The following ADGRF1 variants were observed in gnomAD, a reference collection of about 807,000 sequenced individuals.
ADGRF1 encodes the protein G protein-coupled receptor 110.
In ADGRF1, 85 loss-of-function variants were observed where a neutral mutation model predicts 87.2. That is an observed-to-expected ratio of 0.97 (90% CI 0.82 to 1.17). ADGRF1 has a LOEUF of 1.17. Among genes scored for constraint, ADGRF1 ranks in the 50% most tolerant of loss-of-function variants. The pLI is 0.00. For missense variants in ADGRF1, 1,169 were observed against 1,077.2 expected, an observed-to-expected ratio of 1.09 and a Z score of -1.19; for synonymous variants, 430 against 408.8, an observed-to-expected ratio of 1.05 and a Z score of -0.63.
At position 46,998,018 on chromosome 6, in the gene ADGRF1, A is replaced by G. The variant is rs921312897; in HGVS notation, c.*2204T>C. Reference sequence around the variant, plus strand: ...GTACTAAATTTTTCTTCCCTCTCCAACTGAGTCTTGTGTTGAGTTGCCTAC... The same window carrying G: ...GTACTAAATTTTTCTTCCCTCTCCAGCTGAGTCTTGTGTTGAGTTGCCTAC... On this transcript the variant is annotated 3_prime_UTR_variant, in exon 15 of 15. Transcript: ENST00000371253. 6.6e-6 allele frequency: 1 copy of G among 152,090 alleles called. No individual in the cohort carries two copies. The highest frequency in any genetic ancestry group is 1.5e-5 in the Non-Finnish European group (1 of 68,016). The allele number at this position is 152,090 out of a possible 1,614,324, so 9.4% of individuals were successfully genotyped here. A position where few individuals can be genotyped will look rare whatever the true frequency, so the allele number is the denominator to read the frequency against.
At position 47,018,477 on chromosome 6, in the gene ADGRF1, T is replaced by C. The variant is rs893821270; in HGVS notation, c.612-1709A>G. ...CCCTTTTGCTTAATGATGGTCACAATACCTTTGTATTGATATGTCCATTCT... is the reference window on the plus strand; with the variant it reads ...CCCTTTTGCTTAATGATGGTCACAACACCTTTGTATTGATATGTCCATTCT... On this transcript the variant is annotated intron_variant, in intron 7 of 14. Transcript: ENST00000371253. 2.3e-6 allele frequency: 3 copies of C among 1,289,664 alleles called. No homozygotes were observed. In the African/African-American group the frequency reaches 4.6e-5, roughly 20 times the overall value. The allele number at this position is 1,289,664 out of a possible 1,614,324, so 79.9% of individuals were successfully genotyped here.
At position 47,007,638 on chromosome 6, in the gene ADGRF1, T is replaced by C. The variant is rs115108219; in HGVS notation, c.2491-344A>G. On this transcript the variant is annotated intron_variant, in intron 11 of 14. Transcript: ENST00000371253. ...CTTAGTCTTTCTTTAGACCAGGCAT[T>C]TGATGTCTAAGCATCTATGACGGCA... Among the ~76,000 whole-genome samples the C allele has an allele frequency of 2.7e-3, 408 of 152,370 alleles. 1 individual carries two copies. Among genetic ancestry groups the C allele is most frequent in the African/African-American group, 9.4e-3 (393 of 41,592 alleles).
intron 9 of ADGRF1, 33 bp from the exon 10 acceptor site, chr6:47,012,228 A>G (rs1312430067): frequency 4.4e-6 from 7 of 1,599,672 alleles, no homozygotes; most frequent in Non-Finnish European, 6.0e-6. Context: ...TCTAGAAAAC[A>G]ATGACATGCT....
intron 6 of ADGRF1, 151 bp from the exon 7 acceptor site, chr6:47,020,940 A>T: frequency 3.1e-6 from 2 of 653,334 alleles, no homozygotes; most frequent in Non-Finnish European, 5.5e-6. Context: ...CATGTCATAC[A>T]AATACAGTTA....
chr6:47,009,046 T>A lies in ADGRF1; in HGVS notation c.2389A>T (p.Thr797Ser). 6.2e-7 allele frequency: 1 copy of A among 1,613,706 alleles called. No homozygotes were observed. The change falls in exon 11 of 15, where the codon ACC becomes TCC. Residue 797 changes from threonine (T) to serine (S), a missense_variant. By Grantham distance (58) the Thr-to-Ser change is moderately conservative (BLOSUM62 1). Transcript: ENST00000371253. ...IRVGKSLLILTPLLGLTWGFG... is the reference protein window; with the variant it reads ...IRVGKSLLILSPLLGLTWGFG... ...CCCCAGGTGAGCCCTAGCAGAGGGG[T>A]CAGAATGAGGAGGCTCTTCCCCACG...
rs779910886 is a variant in ADGRF1, at chr6:47,009,447, A to G, written c.1988T>C (p.Phe663Ser). The change falls in exon 11 of 15, where the codon TTT (phenylalanine) becomes TCT (serine). Residue 663 changes from phenylalanine to serine, a missense_variant. Transcript: ENST00000371253. ...PSGVCTAAVF[F>S]THFFYLSLFF... ...CAAAGAGAGGTAGAAGAAGTGTGTA[A>G]AGAACACAGCAGCTGTGCAGACTCC... is the stretch of plus-strand genomic sequence containing the variant. The G allele has an allele frequency of 1.2e-6, 2 of 1,613,902 alleles. No individual in the cohort carries two copies.
At chr6:47,003,590 A>C (rs2113874756) in intron 13 of ADGRF1, among the ~76,000 whole-genome samples, 1 of 152,318 alleles carries the variant, frequency 6.6e-6, no homozygotes, top group African/African-American at 2.4e-5. Flanking sequence ...TATTGATTCC[A>C]GGTCTTCAGA....
At chr6:47,039,184 T>C (rs780385839) in intron 1 of ADGRF1, among the ~76,000 whole-genome samples, 1 of 152,178 alleles carries the variant, frequency 6.6e-6, no homozygotes, top group Non-Finnish European at 1.5e-5. Context: ...GTCTTTAGAT[T>C]TGTGGACCTC....
chr6:47,012,687 C>T (rs985860427), intron 9 of ADGRF1: 18 of 985,434 alleles, frequency 1.8e-5, no homozygotes, highest in South Asian at 4.7e-5. Flanking sequence ...ACTGAGAATG[C>T]GTTGTAAGAT....
intron 1 of ADGRF1, among the ~76,000 whole-genome samples, chr6:47,035,173 G>C (rs9472969): frequency 0.053 from 8,004 of 152,268 alleles, 256 homozygotes; most frequent in African/African-American, 0.086. Flanking sequence ...TGAAGACCCA[G>C]CCGCTTGTGG....
intron 1 of ADGRF1, among the ~76,000 whole-genome samples, chr6:47,041,977 A>T (rs1780752707): frequency 6.6e-6 from 1 of 152,174 alleles, no homozygotes. Flanking sequence ...AGCCTCAGCC[A>T]ATCACCTCAT....
At chr6:47,020,571 T>G in intron 7 of ADGRF1, 160 bp downstream of exon 7, 1 of 1,512,918 alleles carries the variant, frequency 6.6e-7, no homozygotes, top group Non-Finnish European at 8.8e-7. Context: ...CTTCAGACTT[T>G]TTAAAGCATC....
chr6:47,030,384 C>A (rs1301455040), intron 1 of ADGRF1, among the ~76,000 whole-genome samples: 2 of 152,174 alleles, frequency 1.3e-5, no homozygotes, highest in Non-Finnish European at 2.9e-5. Context: ...CTTTAAAATT[C>A]TTTGGCAGCA....
chr6:46,998,273 T>C lies in ADGRF1; in HGVS notation c.*1949A>G, dbSNP rs987735730. On this transcript the variant is annotated 3_prime_UTR_variant, in exon 15 of 15. Coordinates refer to ENST00000371253, the MANE Select transcript of ADGRF1 (RefSeq NM_153840.4). ...TCAAGAACTCCCATAGAAATTCTCA[T>C]AGCCCTGACTTCTCATCTTTAGCTT... 3 of 152,228 alleles carry C rather than the reference T, an allele frequency of 2.0e-5. No homozygotes were observed. The highest frequency in any genetic ancestry group is 2.9e-5 in the Non-Finnish European group (2 of 68,054). The allele number at this position is 152,228 out of a possible 1,614,324, so 9.4% of individuals were successfully genotyped here. A position where few individuals can be genotyped will look rare whatever the true frequency, so the allele number is the denominator to read the frequency against.
chr6:47,008,710 C>T (rs559321947), intron 11 of ADGRF1, among the ~76,000 whole-genome samples: 1 of 152,296 alleles, frequency 6.6e-6, no homozygotes, highest in South Asian at 2.1e-4. Flanking sequence ...CAGAAGAACT[C>T]TAATAGATTT....
At chr6:47,017,592 A>G (rs1359153950) in intron 7 of ADGRF1, 1 of 152,148 alleles carries the variant, frequency 6.6e-6, no homozygotes, top group African/African-American at 2.4e-5. Flanking sequence ...GTATATTCTT[A>G]CCATGGAGTA....
chr6:47,019,881 A>G (rs549729084), intron 7 of ADGRF1: 33 of 985,030 alleles, frequency 3.4e-5, no homozygotes, highest in Non-Finnish European at 7.2e-6. Flanking sequence ...GCATAAACAA[A>G]AGGATAATTT....
chr6:47,012,747 G>A, intron 9 of ADGRF1: 1 of 985,430 alleles, frequency 1.0e-6, no homozygotes, highest in Non-Finnish European at 1.2e-6. Flanking sequence ...GCTTGTGCCA[G>A]CCCCCGTTTT....
intron 1 of ADGRF1, among the ~76,000 whole-genome samples, chr6:47,031,061 C>A (rs1780403466): frequency 6.6e-6 from 1 of 152,156 alleles, no homozygotes; most frequent in African/African-American, 2.4e-5. Flanking sequence ...CCATGCCCGG[C>A]CACTTTTTCT....
Sources: allele counts gnomAD v4.1 joint callset (sites outside exome capture counted in the v4.1 genomes callset), GRCh38; gene constraint gnomAD v4.1.1; transcripts MANE v1.5; gene names NCBI Gene and HGNC (gene_info 2026-07-23, HGNC 2026-07-21).